Variants in KSR2 observed in about 807,000 individuals in gnomAD.
KSR2 encodes the protein kinase suppressor of ras 2.
KSR2 carries 25 observed loss-of-function variants against 107.8 expected under a neutral mutation model. That is an observed-to-expected ratio of 0.23 (90% CI 0.17 to 0.32). The LOEUF (loss-of-function observed/expected upper bound fraction) is 0.32, where lower values mean the gene tolerates loss of function less well. Among genes scored for constraint, KSR2 ranks in the 10% least tolerant of loss-of-function variants. KSR2 has a pLI of 1.00. For missense variants in KSR2, 887 were observed against 1,268.9 expected, an observed-to-expected ratio of 0.70 and a Z score of 4.57; for synonymous variants, 480 against 507.0, an observed-to-expected ratio of 0.95 and a Z score of 0.71.
intron 1 of KSR2, among the ~76,000 whole-genome samples, chr12:117,935,465 A>T (rs780448804): frequency 2.6e-5 from 4 of 152,140 alleles, no homozygotes; most frequent in Non-Finnish European, 4.4e-5. Context: ...CACTGGTCTC[A>T]AAAGCTCTCA....
intron 1 of KSR2, among the ~76,000 whole-genome samples, chr12:117,873,757 G>A (rs1893739827): frequency 6.6e-6 from 1 of 152,114 alleles, no homozygotes; most frequent in Admixed American, 6.6e-5. Context: ...CACGGCGCCT[G>A]GCTGAGGTGC....
chr12:117,623,991 C>A (rs1338672137), intron 5 of KSR2, among the ~76,000 whole-genome samples: 10 of 152,188 alleles, frequency 6.6e-5, no homozygotes, highest in Non-Finnish European at 1.3e-4. Flanking sequence ...TGATGATGAG[C>A]ATTTTTTCAT....
chr12:117,943,078 A>G (rs527864448), intron 1 of KSR2, among the ~76,000 whole-genome samples: 44 of 152,316 alleles, frequency 2.9e-4, no homozygotes, highest in Admixed American at 2.2e-3. Context: ...TACTCTTAAG[A>G]AACATAAACA....
In KSR2 at chr12:117,531,012, A is replaced by C; in HGVS notation, c.1731T>G (p.Asp577Glu). 6.2e-7 allele frequency: 1 copy of C among 1,613,498 alleles called. No homozygotes were observed. Reference protein sequence around the residue: ...YKYKQQFIFPDVVPVPETPTR... With the variant: ...YKYKQQFIFPEVVPVPETPTR... ...TCGGCGTCTCCGGCACCGGCACCAC[A>C]TCTGAAAACCAGAGATTGAACACTC... is the stretch of plus-strand genomic sequence containing the variant. Residue 577 changes from aspartate (D) to glutamate (E), a missense_variant and splice_region_variant, in exon 12 of 20, where the codon GAT becomes GAG. Around this residue, in one of 8 missense-constraint regions of KSR2, gnomAD observed 308 missense variants for 506.2 expected, o/e 0.61. Coordinates refer to ENST00000339824, the MANE Select transcript of KSR2 (RefSeq NM_173598.6).
intron 3 of KSR2, among the ~76,000 whole-genome samples, chr12:117,824,408 T>C (rs1320538263): frequency 1.3e-5 from 2 of 152,154 alleles, no homozygotes; most frequent in South Asian, 4.1e-4. Context: ...AACAAGAGAA[T>C]AATTCAAATG....
At position 117,555,954 on chromosome 12, in the gene KSR2, CTGTTGT is replaced by C. The variant is rs55744572; in HGVS notation, c.1394-667_1394-662del. Among the ~76,000 whole-genome samples, 10 of 151,212 alleles carry C rather than the reference CTGTTGT, an allele frequency of 6.6e-5. No homozygotes were observed. The South Asian group carries it at 8.4e-4, about 13-fold the overall frequency. On this transcript the variant is annotated intron_variant, in intron 8 of 19. Transcript: ENST00000339824. ...GATGCCTGGTATTGTTACTTGTTAG[CTGTTGT>C]TGTTGTTGTTGTTGTTGTTGTTTTA... is the stretch of plus-strand genomic sequence containing the variant.
intron 5 of KSR2, among the ~76,000 whole-genome samples, chr12:117,659,996 T>C (rs189081389): frequency 1.5e-3 from 228 of 152,324 alleles, no homozygotes; most frequent in African/African-American, 5.3e-3. Flanking sequence ...CAGCTGCCCC[T>C]GCCTCACCTC....
chr12:117,573,961 A>C (rs1323693634), intron 7 of KSR2, among the ~76,000 whole-genome samples: 2 of 152,182 alleles, frequency 1.3e-5, no homozygotes, highest in Non-Finnish European at 2.9e-5. Flanking sequence ...AGCCTGAAAA[A>C]CCATCAGCAA....
In KSR2 at chr12:117,968,323, G is replaced by T; in HGVS notation, c.-68C>A. ...AGAAAAAAGAGGGGGGGGAGTAGAG[G>T]TAGTCTACCCTCCGCCTCTCCAACC... On this transcript the variant is annotated 5_prime_UTR_variant, in exon 1 of 20. Transcript: ENST00000339824. 6.9e-7 allele frequency: 1 copy of T among 1,439,542 alleles called. No homozygotes were observed. Among genetic ancestry groups the T allele is most frequent in the Non-Finnish European group, 9.1e-7 (1 of 1,104,870 alleles). 89.2% of individuals were successfully genotyped at this position (1,439,542 alleles called of 1,614,324 possible).
intron 4 of KSR2, among the ~76,000 whole-genome samples, chr12:117,685,819 C>T (rs511596): frequency 0.96 from 145,904 of 152,320 alleles, 70,026 homozygotes; most frequent in East Asian, 1. Context: ...GATCACTGGA[C>T]AGAGAAGCAG....
At chr12:117,520,416 C>T (rs1068932) in intron 14 of KSR2, among the ~76,000 whole-genome samples, 116,542 of 152,104 alleles carry the variant, frequency 0.77, 44,780 homozygotes, top group East Asian at 0.96. Flanking sequence ...GGCTCAGCCA[C>T]GCCACCTAGC....
At chr12:117,904,393 T>G (rs2137404854) in intron 1 of KSR2, among the ~76,000 whole-genome samples, 1 of 152,264 alleles carries the variant, frequency 6.6e-6, no homozygotes, top group African/African-American at 2.4e-5. Context: ...GCCAACCAGG[T>G]GGAGATTGGC....
At chr12:117,705,293 ATC>A (rs1178623404) in intron 4 of KSR2, among the ~76,000 whole-genome samples, 6 of 152,218 alleles carry the variant, frequency 3.9e-5, no homozygotes, top group African/African-American at 1.4e-4. Flanking sequence ...GAGAAGATCC[ATC>A]TCTCAACCTG....
intron 1 of KSR2, among the ~76,000 whole-genome samples, chr12:117,881,382 C>T (rs1444883670): frequency 6.6e-6 from 1 of 152,170 alleles, no homozygotes; most frequent in African/African-American, 2.4e-5. Flanking sequence ...GCTGCTCCTA[C>T]CTAGAGATGA....
intron 1 of KSR2, among the ~76,000 whole-genome samples, chr12:117,929,782 C>T (rs1895646018): frequency 6.6e-6 from 1 of 152,092 alleles, no homozygotes; most frequent in African/African-American, 2.4e-5. Context: ...TGTTTAATTC[C>T]ATTCACAAGA....
At chr12:117,878,457 C>CA (rs1264297408) in intron 1 of KSR2, among the ~76,000 whole-genome samples, 1 of 152,030 alleles carries the variant, frequency 6.6e-6, no homozygotes, top group African/African-American at 2.4e-5. Flanking sequence ...CTGCAAGTGG[C>CA]AAAAAATAGA....
chr12:117,669,145 C>A (rs183670996), intron 4 of KSR2, among the ~76,000 whole-genome samples: 3 of 152,236 alleles, frequency 2.0e-5, no homozygotes, highest in African/African-American at 7.2e-5. Context: ...TTCATGGCAA[C>A]AATTGTGCAA....
At position 117,585,694 on chromosome 12, in the gene KSR2, G is replaced by A. The variant is rs115231098; in HGVS notation, c.1172-3335C>T. ...CCTTATCATAACAGAGAAGGCAAAC[G>A]ACATTTACAGCAATTAAACCGATAC... On this transcript the variant is annotated intron_variant, in intron 5 of 19. Transcript: ENST00000339824. Among the ~76,000 whole-genome samples the A allele has an allele frequency of 8.5e-3, 1,300 of 152,276 alleles. 23 individuals carry two copies. The highest frequency in any genetic ancestry group is 0.029 in the African/African-American group (1,195 of 41,556).
At chr12:117,730,055 C>A (rs184154853) in intron 4 of KSR2, among the ~76,000 whole-genome samples, 49 of 152,288 alleles carry the variant, frequency 3.2e-4, no homozygotes, top group African/African-American at 1.2e-3. Context: ...CATATGGTAT[C>A]TTTTGCAACT....
Sources: allele counts gnomAD v4.1 joint callset (sites outside exome capture counted in the v4.1 genomes callset), GRCh38; gene constraint gnomAD v4.1.1; regional missense constraint gnomAD v4.1.1; transcripts MANE v1.5; gene names NCBI Gene and HGNC (gene_info 2026-07-23, HGNC 2026-07-21).